Variants in PRKCE observed in about 807,000 individuals in gnomAD.
PRKCE encodes the protein protein kinase C epsilon type.
A neutral mutation model predicts 85.4 loss-of-function variants in PRKCE; 16 were observed. That is an observed-to-expected ratio of 0.19 (90% CI 0.13 to 0.28). PRKCE has a LOEUF of 0.28. PRKCE is among the 10% of genes least tolerant of loss of function. The probability of loss-of-function intolerance (pLI) is 1.00; values close to 1 mark genes in which losing one functional copy is unlikely to be tolerated. For missense variants in PRKCE, 573 were observed against 975.2 expected (o/e 0.59, Z 5.49); for synonymous variants, 388 against 371.5 (o/e 1.04, Z -0.51).
intron 2 of PRKCE, among the ~76,000 whole-genome samples, chr2:45,922,376 C>T (rs1698312272): frequency 1.3e-5 from 2 of 152,176 alleles, no homozygotes; most frequent in African/African-American, 4.8e-5. Flanking sequence ...CAAGTGTTGT[C>T]TCCAAAGTCA....
chr2:45,824,433 CG>C (rs930827655), intron 1 of PRKCE, among the ~76,000 whole-genome samples: 3 of 152,124 alleles, frequency 2.0e-5, no homozygotes, highest in African/African-American at 2.4e-5. Flanking sequence ...GTCTCTTAAG[CG>C]GGGCGTGTTG....
At chr2:45,814,039 C>T (rs748581714) in intron 1 of PRKCE, among the ~76,000 whole-genome samples, 10 of 152,100 alleles carry the variant, frequency 6.6e-5, no homozygotes, top group Admixed American at 1.3e-4. Context: ...CCCCCACCTC[C>T]GGTCCCCCCT....
At chr2:45,799,123 G>A (rs1420656396) in intron 1 of PRKCE, among the ~76,000 whole-genome samples, 1 of 151,110 alleles carries the variant, frequency 6.6e-6, no homozygotes, top group East Asian at 1.9e-4. Flanking sequence ...CTGAGATCGT[G>A]CCACGGCACT....
intron 1 of PRKCE, among the ~76,000 whole-genome samples, chr2:45,722,042 C>A (rs1680669847): frequency 6.6e-6 from 1 of 151,710 alleles, no homozygotes; most frequent in Admixed American, 6.6e-5. Flanking sequence ...ATTTGGGGTA[C>A]ACCTATCCAT....
At chr2:45,921,751 G>A (rs527289408) in intron 2 of PRKCE, among the ~76,000 whole-genome samples, 4 of 152,314 alleles carry the variant, frequency 2.6e-5, no homozygotes, top group South Asian at 2.1e-4. Flanking sequence ...GCCCTTCTGC[G>A]AGACCTTTGA....
chr2:46,107,988 G>T (rs1464508461), intron 11 of PRKCE, among the ~76,000 whole-genome samples: 3 of 152,154 alleles, frequency 2.0e-5, no homozygotes, highest in Non-Finnish European at 4.4e-5. Flanking sequence ...CAATACAGTG[G>T]TGTGATCCTA....
At chr2:45,755,076 A>G (rs1683892438) in intron 1 of PRKCE, among the ~76,000 whole-genome samples, 1 of 152,150 alleles carries the variant, frequency 6.6e-6, no homozygotes, top group African/African-American at 2.4e-5. Flanking sequence ...GGGAGTGTGC[A>G]TTGCTGAATT....
At chr2:46,081,110 G>T (rs1462965092) in intron 10 of PRKCE, among the ~76,000 whole-genome samples, 3 of 152,042 alleles carry the variant, frequency 2.0e-5, no homozygotes, top group Admixed American at 6.5e-5. Flanking sequence ...TCCCACCTCA[G>T]CCTCCCAAGT....
chr2:45,731,778 C>A (rs1009297815), intron 1 of PRKCE, among the ~76,000 whole-genome samples: 1 of 151,984 alleles, frequency 6.6e-6, no homozygotes, highest in Non-Finnish European at 1.5e-5. Flanking sequence ...TGTGTGCCAC[C>A]ACACCTGGCT....
At chr2:46,084,084 A>C (rs1669354488) in intron 10 of PRKCE, among the ~76,000 whole-genome samples, 1 of 152,226 alleles carries the variant, frequency 6.6e-6, no homozygotes, top group East Asian at 1.9e-4. Context: ...ATGATTGAAT[A>C]AACAGTGGGC....
intron 2 of PRKCE, among the ~76,000 whole-genome samples, chr2:45,879,900 C>A (rs1040278353): frequency 6.6e-6 from 1 of 152,224 alleles, no homozygotes; most frequent in African/African-American, 2.4e-5. Context: ...ATATCCTCCT[C>A]CTACCTATTT....
At chr2:45,798,713 G>A (rs528853460) in intron 1 of PRKCE, among the ~76,000 whole-genome samples, 164 of 149,440 alleles carry the variant, frequency 1.1e-3, no homozygotes, top group African/African-American at 3.7e-3. Context: ...TTATTAAATC[G>A]AGAATTTATA....
chr2:45,800,111 G>A (rs1687739940), intron 1 of PRKCE, among the ~76,000 whole-genome samples: 1 of 152,338 alleles, frequency 6.6e-6, no homozygotes, highest in South Asian at 2.1e-4. Context: ...TGAAAATATA[G>A]TTGCAGGGTA....
intron 2 of PRKCE, among the ~76,000 whole-genome samples, chr2:45,968,444 C>G (rs1421466857): frequency 6.6e-6 from 1 of 152,030 alleles, no homozygotes; most frequent in Non-Finnish European, 1.5e-5. Context: ...CAAAGGCATA[C>G]AAAGTGGTAT....
Position 45,763,872 on chromosome 2 carries a change from C to A in PRKCE, c.349-79128C>A, listed in dbSNP as rs112959726. ...CAAGCCGAATTGAACAGATTGGGAG[C>A]TTTGGTGTTTGTTTTGGTGGACTCT... is the stretch of plus-strand genomic sequence containing the variant. On this transcript the variant is annotated intron_variant, in intron 1 of 14. Transcript: ENST00000306156. Among the ~76,000 whole-genome samples, 593 of 152,292 alleles carry A rather than the reference C, an allele frequency of 3.9e-3. 8 individuals are homozygous for A. Among genetic ancestry groups the A allele is most frequent in the African/African-American group, 0.014 (563 of 41,568 alleles).
At chr2:46,006,933 C>T (rs1372940624) in intron 8 of PRKCE, among the ~76,000 whole-genome samples, 1 of 152,196 alleles carries the variant, frequency 6.6e-6, no homozygotes, top group East Asian at 1.9e-4. Context: ...AACCCGGCAA[C>T]AAGGCTGAGT....
chr2:45,836,455 C>T (rs1026353194), intron 1 of PRKCE, among the ~76,000 whole-genome samples: 3 of 152,352 alleles, frequency 2.0e-5, no homozygotes, highest in South Asian at 2.1e-4. Flanking sequence ...ATCAGCACCC[C>T]GCAGCTGCTG....
Position 46,182,736 on chromosome 2 carries a change from C to T in PRKCE, c.2068-1999C>T, listed in dbSNP as rs187031669. ...GGGACGAGTTGAAAACAGTCCCCCG[C>T]GCAGCTCACCCGGCCCACGTTACCC... On this transcript the variant is annotated intron_variant, in intron 14 of 14. Transcript: ENST00000306156. Among the ~76,000 whole-genome samples the T allele has an allele frequency of 1.8e-3, 270 of 152,306 alleles. 2 individuals are homozygous for T. Among genetic ancestry groups the T allele is most frequent in the Middle Eastern group, 0.017 (5 of 294 alleles).
chr2:45,677,389 G>A (rs1196591717), intron 1 of PRKCE, among the ~76,000 whole-genome samples: 2 of 131,100 alleles, frequency 1.5e-5, no homozygotes, highest in African/African-American at 2.9e-5. Flanking sequence ...TCGCTCTGTC[G>A]CCCAGGCCGG....
Sources: allele counts gnomAD v4.1 joint callset (sites outside exome capture counted in the v4.1 genomes callset), GRCh38; gene constraint gnomAD v4.1.1; transcripts MANE v1.5; gene names NCBI Gene and HGNC (gene_info 2026-07-23, HGNC 2026-07-21).